Variants in RPS6KA6 observed in about 807,000 individuals in gnomAD.
RPS6KA6 encodes the protein ribosomal protein S6 kinase alpha-6.
A neutral mutation model predicts 65.4 loss-of-function variants in RPS6KA6; 27 were observed. The observed-to-expected ratio is 0.41, with a 90% confidence interval of 0.30 to 0.57. The LOEUF is 0.57. Among genes scored for constraint, RPS6KA6 ranks in the 20% least tolerant of loss-of-function variants. The pLI is 0.24. For missense variants in RPS6KA6, 486 were observed against 555.6 expected, an observed-to-expected ratio of 0.87 and a Z score of 1.26; for synonymous variants, 190 against 184.2, an observed-to-expected ratio of 1.03 and a Z score of -0.26.
At chrX:84,148,315 C>T (rs2035237263) in intron 3 of RPS6KA6, among the ~76,000 whole-genome samples, 192 bp from the exon 4 acceptor site, 2 of 110,038 alleles carry the variant, frequency 1.8e-5, no homozygotes, top group Admixed American at 9.7e-5. Flanking sequence ...GATCTGATCC[C>T]CATACATTAT....
chrX:84,065,962 G>A (rs1164938075), intron 20 of RPS6KA6, among the ~76,000 whole-genome samples: 1 of 111,154 alleles, frequency 9.0e-6, no homozygotes, highest in Non-Finnish European at 1.9e-5. Flanking sequence ...TCCAACTCAC[G>A]GAGGGTGAGC....
chrX:84,148,767 A>C (rs2035246719), intron 3 of RPS6KA6, among the ~76,000 whole-genome samples: 1 of 111,625 alleles, frequency 9.0e-6, no homozygotes, highest in African/African-American at 3.3e-5. Flanking sequence ...AGTGAGATAT[A>C]ATCTTATTGC....
chrX:84,185,991 C>G, intron 1 of RPS6KA6: 1 of 496,159 alleles, frequency 2.0e-6, no homozygotes, highest in East Asian at 3.8e-5. Context: ...AAGTAACTTG[C>G]AGGGTTAAAT....
At chrX:84,109,014 C>A (rs1030076534) in intron 12 of RPS6KA6, among the ~76,000 whole-genome samples, 2 of 111,299 alleles carry the variant, frequency 1.8e-5, no homozygotes, top group African/African-American at 6.5e-5. Flanking sequence ...CCCAGAGGCT[C>A]GTGACCCGCT....
intron 1 of RPS6KA6, among the ~76,000 whole-genome samples, chrX:84,178,953 A>C (rs2035807872): frequency 9.0e-6 from 1 of 111,070 alleles, no homozygotes; most frequent in African/African-American, 3.3e-5. Flanking sequence ...AAGATGAAAA[A>C]CCTCGACTCT....
intron 18 of RPS6KA6, among the ~76,000 whole-genome samples, chrX:84,101,659 T>C (rs1005273083): frequency 5.4e-5 from 6 of 110,715 alleles, no homozygotes; most frequent in African/African-American, 2.0e-4. Context: ...CCTAGCTTTG[T>C]TATTAAGTGA....
intron 3 of RPS6KA6, among the ~76,000 whole-genome samples, chrX:84,152,885 T>C (rs1437485027): frequency 8.9e-6 from 1 of 111,799 alleles, no homozygotes; most frequent in Non-Finnish European, 1.9e-5. Flanking sequence ...AGTTGTTGCA[T>C]GGCTTCAAAC....
chrX:84,149,791 C>A (rs943239319), intron 3 of RPS6KA6, among the ~76,000 whole-genome samples: 4 of 111,314 alleles, frequency 3.6e-5, no homozygotes, highest in Non-Finnish European at 7.5e-5. Flanking sequence ...TTTGGAATGG[C>A]AAATGAGCAT....
intron 20 of RPS6KA6, among the ~76,000 whole-genome samples, chrX:84,080,926 G>T (rs773620142): frequency 9.0e-6 from 1 of 111,448 alleles, no homozygotes; most frequent in Non-Finnish European, 1.9e-5. Flanking sequence ...TCTTTGAAAT[G>T]AATGAGAACA....
Position 84,058,536 on chromosome X carries a change from T to C in RPS6KA6, c.*5741A>G, listed in dbSNP as rs989779224. The C allele has an allele frequency of 6.3e-5, 7 of 111,889 alleles. No homozygotes were observed. The highest frequency in any genetic ancestry group is 2.8e-4 in the East Asian group (1 of 3,596). The allele number at this position is 111,889 out of a possible 1,213,427, so 9.2% of individuals were successfully genotyped here. A position where few individuals can be genotyped will look rare whatever the true frequency, so the allele number is the denominator to read the frequency against. ...AGCAGCATTGTGAGAGAAAGAAACA[T>C]TGTAAAATGAACTACTGGATTTGGT... On this transcript the variant is annotated 3_prime_UTR_variant, in exon 22 of 22. Coordinates refer to ENST00000262752, the MANE Select transcript of RPS6KA6 (RefSeq NM_014496.5).
intron 21 of RPS6KA6, among the ~76,000 whole-genome samples, chrX:84,064,683 GAACT>G (rs1047883872): frequency 2.7e-5 from 3 of 111,217 alleles, no homozygotes; most frequent in Non-Finnish European, 5.6e-5. Context: ...TATAAATTAA[GAACT>G]AACAGCAATC....
intron 8 of RPS6KA6, among the ~76,000 whole-genome samples, chrX:84,133,613 T>A (rs1003683402): frequency 9.0e-6 from 1 of 111,232 alleles, no homozygotes; most frequent in East Asian, 2.8e-4. Context: ...AAAATAGGTT[T>A]TTTTCTACTC....
At chrX:84,132,922 A>T (rs1336804292) in intron 8 of RPS6KA6, among the ~76,000 whole-genome samples, 1 of 111,011 alleles carries the variant, frequency 9.0e-6, no homozygotes, top group Non-Finnish European at 1.9e-5. Context: ...GTGAAAAAAA[A>T]AAAAGTATTG....
Position 84,119,928 on chromosome X carries a change from C to G in RPS6KA6, c.746G>C (p.Gly249Ala). 1 of 1,198,686 alleles carries G rather than the reference C, an allele frequency of 8.3e-7. No homozygotes were observed. Among genetic ancestry groups the G allele is most frequent in the Non-Finnish European group, 1.1e-6 (1 of 886,974 alleles). Residue 249 changes from glycine (G) to alanine (A), a missense_variant, in exon 9 of 22, where the codon GGC (glycine) becomes GCC (alanine). Gly to Ala is a moderately conservative substitution (Grantham distance 60). Around this residue, in one of 3 missense-constraint regions of RPS6KA6, gnomAD observed 345 missense variants for 375.0 expected, o/e 0.92. Transcript: ENST00000262752. ...CCACCAATCAGCACTCTGGGAATGG[C>G]CTCTCCTATTTACTACTTCAGGAGC... ...YMAPEVVNRR[G>A]HSQSADWWSY...
chrX:84,182,093 G>A (rs930616449), intron 1 of RPS6KA6, among the ~76,000 whole-genome samples: 38 of 101,787 alleles, frequency 3.7e-4, no homozygotes, highest in African/African-American at 1.1e-3. Flanking sequence ...ACACACACAC[G>A]TGCACACAAA....
chrX:84,080,910 A>T (rs2033783832), intron 20 of RPS6KA6, among the ~76,000 whole-genome samples: 1 of 111,931 alleles, frequency 8.9e-6, no homozygotes, highest in African/African-American at 3.3e-5. Flanking sequence ...GCAGAAATAA[A>T]GAAGTTCTTT....
chrX:84,134,765 T>A lies in RPS6KA6; in HGVS notation c.646+17A>T. On this transcript the variant is annotated intron_variant, in intron 8 of 21. Transcript: ENST00000262752. ...ATGAATCAAGTGGCTAAGGGTATAA[T>A]AAGAAAATCTGCATACCTGTTAATT... 1 of 1,070,392 alleles carries A rather than the reference T, an allele frequency of 9.3e-7. No individual in the cohort carries two copies. Among genetic ancestry groups the A allele is most frequent in the Admixed American group, 2.7e-5 (1 of 36,661 alleles). The allele number at this position is 1,070,392 out of a possible 1,213,427, so 88.2% of individuals were successfully genotyped here.
rs1740273970 is a variant in RPS6KA6, at chrX:84,160,545, TCAAAA to T, written c.141+3778_141+3782del. ...GTGGAACTAACCTCCAGAAAACAAA[TCAAAA>T]CAAAAGAAGTATTTTTAAAGCCTGA... On this transcript the variant is annotated intron_variant, in intron 2 of 21. Coordinates refer to ENST00000262752, the MANE Select transcript of RPS6KA6 (RefSeq NM_014496.5). 2.7e-5 allele frequency among the ~76,000 whole-genome samples: 3 copies of T among 111,499 alleles called. No individual in the cohort carries two copies. The Admixed American group carries it at 2.9e-4, about 11-fold the overall frequency.
intron 12 of RPS6KA6, 52 bp downstream of exon 12, chrX:84,116,177 C>A: frequency 1.5e-6 from 1 of 667,969 alleles, no homozygotes; most frequent in South Asian, 2.6e-5. Context: ...TCTTTAATAT[C>A]CTGTGTTGGT....
Sources: allele counts gnomAD v4.1 joint callset (sites outside exome capture counted in the v4.1 genomes callset), GRCh38; gene constraint gnomAD v4.1.1; regional missense constraint gnomAD v4.1.1; transcripts MANE v1.5; gene names NCBI Gene and HGNC (gene_info 2026-07-23, HGNC 2026-07-21).